The following FBXW11 variants were observed in gnomAD, a reference collection of about 807,000 sequenced individuals.
FBXW11 encodes the protein F-box/WD repeat-containing protein 11.
FBXW11 carries 19 observed loss-of-function variants against 77.6 expected under a neutral mutation model. That is an observed-to-expected ratio of 0.24 (90% CI 0.17 to 0.36). The LOEUF (loss-of-function observed/expected upper bound fraction) is 0.36. Ranked by LOEUF, FBXW11 falls within the 10% of genes least tolerant of loss-of-function variation. The probability of loss-of-function intolerance (pLI) is 1.00; values close to 1 mark genes in which losing one functional copy is unlikely to be tolerated. For synonymous variants in FBXW11, 235 were observed against 249.4 expected (o/e 0.94, Z 0.54); for missense variants, 334 against 704.2 (o/e 0.47, Z 5.95).
intron 1 of FBXW11, among the ~76,000 whole-genome samples, chr5:172,001,597 C>A (rs769462955): frequency 2.6e-5 from 4 of 152,116 alleles, no homozygotes; most frequent in African/African-American, 4.8e-5. Flanking sequence ...ATATTACAAG[C>A]CTGAAATATG....
chr5:171,978,115 A>G (rs1764937527), intron 1 of FBXW11, among the ~76,000 whole-genome samples: 2 of 152,078 alleles, frequency 1.3e-5, no homozygotes, highest in African/African-American at 4.8e-5. Context: ...CCTAATAATG[A>G]GAACAAATTA....
At chr5:171,972,187 G>C (rs1486015556) in intron 1 of FBXW11, among the ~76,000 whole-genome samples, 1 of 150,664 alleles carries the variant, frequency 6.6e-6, no homozygotes. Context: ...AGCCGAAACT[G>C]TTACTGCATT....
intron 1 of FBXW11, among the ~76,000 whole-genome samples, chr5:172,005,448 C>A (rs1414112393): frequency 1.3e-5 from 2 of 152,174 alleles, no homozygotes; most frequent in Non-Finnish European, 2.9e-5. Context: ...TATTTTATTT[C>A]TTCCACCAAA....
chr5:171,937,026 C>T (rs893910406), intron 2 of FBXW11, among the ~76,000 whole-genome samples: 6 of 152,250 alleles, frequency 3.9e-5, no homozygotes, highest in Non-Finnish European at 8.8e-5. Context: ...TGAATCCACA[C>T]TGACCTGATA....
chr5:171,870,919 A>T, intron 10 of FBXW11, 61 bp from the exon 11 acceptor site: 1 of 1,167,248 alleles, frequency 8.6e-7, no homozygotes, highest in Non-Finnish European at 1.3e-6. Context: ...ACTATCCGTA[A>T]GTTTTTTATA....
At position 171,881,355 on chromosome 5, in the gene FBXW11, G is replaced by T. The variant is rs910589684; in HGVS notation, c.853-3226C>A. On this transcript the variant is annotated intron_variant, in intron 7 of 13. Transcript: ENST00000517395. ...TGACGTTAGCTATAGGCTTTTTGTA[G>T]ATACTCTTTATCAAGTTAAGGAAGT... Among the ~76,000 whole-genome samples the T allele has an allele frequency of 5.3e-5, 8 of 152,240 alleles. No individual in the cohort carries two copies. In the East Asian group the frequency reaches 1.4e-3, roughly 26 times the overall value.
chr5:171,954,359 T>C (rs1049946732), intron 2 of FBXW11, among the ~76,000 whole-genome samples: 1 of 152,168 alleles, frequency 6.6e-6, no homozygotes, highest in East Asian at 1.9e-4. Context: ...TAATTTCATA[T>C]ACAAAAATGG....
rs1416297275 is a variant in FBXW11, at chr5:171,980,687, A to G, written c.46-22989T>C. Among the ~76,000 whole-genome samples the G allele has an allele frequency of 2.0e-5, 3 of 152,208 alleles. No individual in the cohort carries two copies. In the East Asian group the frequency reaches 5.8e-4, roughly 29 times the overall value. On this transcript the variant is annotated intron_variant, in intron 1 of 13. Coordinates refer to ENST00000517395, the MANE Select transcript of FBXW11 (RefSeq NM_001378974.1). ...AAAAGACTGACAATGCCAATTGCTG[A>G]CTAGGATGTAGAGCAACTAAACTCA...
At chr5:171,963,508 T>A (rs1764019244) in intron 1 of FBXW11, among the ~76,000 whole-genome samples, 1 of 152,130 alleles carries the variant, frequency 6.6e-6, no homozygotes, top group South Asian at 2.1e-4. Context: ...GAACAACAGG[T>A]CTTAAACTCT....
At chr5:171,980,486 A>G (rs1266671665) in intron 1 of FBXW11, among the ~76,000 whole-genome samples, 1 of 152,240 alleles carries the variant, frequency 6.6e-6, no homozygotes, top group Non-Finnish European at 1.5e-5. Context: ...ACAAAGGACT[A>G]ATTTCCAGAC....
At chr5:171,992,900 G>A (rs1465659012) in intron 1 of FBXW11, among the ~76,000 whole-genome samples, 1 of 151,860 alleles carries the variant, frequency 6.6e-6, no homozygotes, top group Non-Finnish European at 1.5e-5. Flanking sequence ...AAGGAAGCAA[G>A]GAAAATTCAA....
At chr5:171,892,558 A>T (rs540647784) in intron 6 of FBXW11, among the ~76,000 whole-genome samples, 1 of 152,350 alleles carries the variant, frequency 6.6e-6, no homozygotes, top group East Asian at 1.9e-4. Context: ...AACAATTCCA[A>T]AAGTGCCAAA....
intron 1 of FBXW11, among the ~76,000 whole-genome samples, chr5:171,969,292 G>C (rs1764394263): frequency 6.6e-6 from 1 of 152,064 alleles, no homozygotes; most frequent in African/African-American, 2.4e-5. Flanking sequence ...AAAAAAGAAT[G>C]TATGGAAGGG....
intron 5 of FBXW11, 67 bp downstream of exon 5, chr5:171,899,847 T>C: frequency 7.2e-7 from 1 of 1,391,488 alleles, no homozygotes; most frequent in Non-Finnish European, 9.8e-7. Flanking sequence ...AATTGCATTT[T>C]TGAGTAATCA....
rs771292704 is a variant in FBXW11 at position 171,898,984 on chromosome 5, C to T, written c.714+20G>A. The stretch of plus-strand genomic sequence containing the variant: ...AACAAGAAACAAAGAGCCCATAAAA[C>T]AGATAAATCATAAAGTTACCTCTAT... On this transcript the variant is annotated intron_variant, in intron 6 of 13. Coordinates refer to ENST00000517395, the MANE Select transcript of FBXW11 (RefSeq NM_001378974.1). The T allele has an allele frequency of 4.7e-6, 7 of 1,476,838 alleles. No individual in the cohort carries two copies. Among genetic ancestry groups the T allele is most frequent in the Non-Finnish European group, 6.5e-6 (7 of 1,081,912 alleles). 91.5% of individuals were successfully genotyped at this position (1,476,838 alleles called of 1,614,324 possible). A position where few individuals can be genotyped will look rare whatever the true frequency, so the allele number is the denominator to read the frequency against.
intron 3 of FBXW11, among the ~76,000 whole-genome samples, chr5:171,912,236 T>G (rs1410721496): frequency 6.6e-6 from 1 of 152,212 alleles, no homozygotes; most frequent in Non-Finnish European, 1.5e-5. Context: ...GGCATCTATC[T>G]TCCACTCAAT....
chr5:171,934,842 A>G (rs839264), intron 2 of FBXW11, among the ~76,000 whole-genome samples: 3,698 of 152,282 alleles, frequency 0.024, 83 homozygotes, highest in African/African-American at 0.058. Flanking sequence ...TGGAGTTTCT[A>G]AAGAAAAAAA....
At chr5:171,955,714 C>G (rs1318798648) in intron 2 of FBXW11, among the ~76,000 whole-genome samples, 1 of 151,864 alleles carries the variant, frequency 6.6e-6, no homozygotes, top group Non-Finnish European at 1.5e-5. Flanking sequence ...GCTGCATACC[C>G]TCAATTATAT....
intron 1 of FBXW11, among the ~76,000 whole-genome samples, chr5:171,980,729 A>G (rs1169756707): frequency 6.6e-6 from 1 of 152,262 alleles, no homozygotes; most frequent in Non-Finnish European, 1.5e-5. Flanking sequence ...CAGAGGAAGT[A>G]TAAGAATGTA....
Sources: gnomAD v4.1 joint callset for allele counts (sites outside exome capture counted in the v4.1 genomes callset) on GRCh38, gnomAD v4.1.1 for gene constraint, MANE v1.5 for transcripts, NCBI Gene and HGNC (gene_info 2026-07-23, HGNC 2026-07-21) for gene names.